The following RPH3A variants were observed in gnomAD, a reference collection of about 807,000 sequenced individuals.
RPH3A encodes rabphilin 3A.
A neutral mutation model predicts 102.2 loss-of-function variants in RPH3A; 48 were observed. The ratio of observed to expected loss-of-function variants is 0.47; its 90% CI spans 0.37 to 0.60. The LOEUF (loss-of-function observed/expected upper bound fraction) is 0.60. Ranked by LOEUF, RPH3A falls within the 20% of genes least tolerant of loss-of-function variation. The pLI is 0.00. For missense variants in RPH3A, 781 were observed against 910.1 expected, an observed-to-expected ratio of 0.86 and a Z score of 1.83; for synonymous variants, 310 against 324.3, an observed-to-expected ratio of 0.96 and a Z score of 0.47.
intron 1 of RPH3A, among the ~76,000 whole-genome samples, chr12:112,741,247 C>T (rs965858067): frequency 6.6e-6 from 1 of 152,142 alleles, no homozygotes; most frequent in African/African-American, 2.4e-5. Context: ...CCTCTCCCAC[C>T]GTAGGAATTT....
chr12:112,576,791 T>G (rs1592889434), intron 1 of RPH3A, among the ~76,000 whole-genome samples: 1 of 151,840 alleles, frequency 6.6e-6, no homozygotes, highest in Middle Eastern at 3.4e-3. Flanking sequence ...TTCACACTGG[T>G]CTTACTCTTG....
chr12:112,774,063 C>CAAAAAAAAAAAAAAAAAAAAAAAAAAAAA (rs11375355), intron 1 of RPH3A, among the ~76,000 whole-genome samples: 23 of 108,398 alleles, frequency 2.1e-4, no homozygotes, highest in Admixed American at 4.2e-4. Context: ...CCAGCCTGGG[C>CAAAAAAAAAAAAAAAAAAAAAAAAAAAAA]AAAAAAAAAA....
chr12:112,828,492 G>C (rs1468309872), intron 3 of RPH3A, 103 bp downstream of exon 3: 4 of 836,710 alleles, frequency 4.8e-6, no homozygotes, highest in Non-Finnish European at 7.6e-6. Flanking sequence ...CCCTGAGGAA[G>C]GGGGAGAGGA....
intron 1 of RPH3A, among the ~76,000 whole-genome samples, chr12:112,606,684 C>G (rs1044565596): frequency 4.6e-5 from 7 of 152,258 alleles, no homozygotes; most frequent in Admixed American, 1.3e-4. Context: ...GCGGAGGGCT[C>G]AGGAAACTTA....
At chr12:112,682,962 T>C (rs2040237562) in intron 1 of RPH3A, among the ~76,000 whole-genome samples, 1 of 152,206 alleles carries the variant, frequency 6.6e-6, no homozygotes, top group Non-Finnish European at 1.5e-5. Context: ...TCTAGGTAGG[T>C]TTAGACCCCA....
At chr12:112,575,666 C>T (rs1339826089) in intron 1 of RPH3A, among the ~76,000 whole-genome samples, 2 of 151,950 alleles carry the variant, frequency 1.3e-5, no homozygotes, top group Non-Finnish European at 2.9e-5. Context: ...CACGGGGTGT[C>T]GGATGTGCGC....
At chr12:112,793,769 C>T (rs532147249) in intron 2 of RPH3A, among the ~76,000 whole-genome samples, 2 of 151,952 alleles carry the variant, frequency 1.3e-5, no homozygotes, top group Admixed American at 6.6e-5. Context: ...TGGTACTAAT[C>T]GATCAGAATG....
intron 1 of RPH3A, among the ~76,000 whole-genome samples, chr12:112,745,775 C>T (rs2040741259): frequency 6.6e-6 from 1 of 152,178 alleles, no homozygotes; most frequent in Admixed American, 6.5e-5. Context: ...TGACTGCTCA[C>T]TCCATTCCCA....
chr12:112,811,144 C>T (rs1271415933), intron 2 of RPH3A, among the ~76,000 whole-genome samples: 1 of 152,182 alleles, frequency 6.6e-6, no homozygotes, highest in Non-Finnish European at 1.5e-5. Context: ...CCAGTATCTT[C>T]AACTGATCGA....
intron 2 of RPH3A, among the ~76,000 whole-genome samples, chr12:112,805,816 G>A (rs551882634): frequency 3.9e-5 from 6 of 152,072 alleles, no homozygotes; most frequent in East Asian, 1.9e-4. Context: ...ATAATTATTC[G>A]TCTATTCATT....
chr12:112,658,144 T>TA (rs2040025601), intron 1 of RPH3A, among the ~76,000 whole-genome samples: 1 of 152,172 alleles, frequency 6.6e-6, no homozygotes, highest in Non-Finnish European at 1.5e-5. Flanking sequence ...GATCTGATTT[T>TA]AAAATCTTAT....
At chr12:112,844,906 T>C (rs2042204634) in intron 4 of RPH3A, among the ~76,000 whole-genome samples, 1 of 152,218 alleles carries the variant, frequency 6.6e-6, no homozygotes, top group Non-Finnish European at 1.5e-5. Flanking sequence ...GAAGGCTTCA[T>C]AGGGGATCGA....
intron 1 of RPH3A, among the ~76,000 whole-genome samples, chr12:112,705,910 G>T (rs1463762234): frequency 6.6e-6 from 1 of 152,138 alleles, no homozygotes; most frequent in Non-Finnish European, 1.5e-5. Flanking sequence ...CTGTTTTCTA[G>T]TTCAATTATT....
At chr12:112,886,674 A>G (rs1251531095) in intron 16 of RPH3A, among the ~76,000 whole-genome samples, 2 of 152,166 alleles carry the variant, frequency 1.3e-5, no homozygotes, top group African/African-American at 2.4e-5. Flanking sequence ...CTGTTACTCA[A>G]TGCTGTGTAA....
At chr12:112,644,240 A>C (rs185590230) in intron 1 of RPH3A, among the ~76,000 whole-genome samples, 5 of 152,348 alleles carry the variant, frequency 3.3e-5, no homozygotes, top group Non-Finnish European at 1.5e-5. Context: ...CCCAGACTTC[A>C]TTAGGAAATA....
At chr12:112,713,081 T>G (rs1158643040) in intron 1 of RPH3A, among the ~76,000 whole-genome samples, 1 of 137,972 alleles carries the variant, frequency 7.2e-6, no homozygotes, top group Non-Finnish European at 1.5e-5. Context: ...TTCTTCTTCT[T>G]CTTCTTCTTC....
chr12:112,878,893 G>A (rs2042855619), intron 13 of RPH3A, among the ~76,000 whole-genome samples: 1 of 152,190 alleles, frequency 6.6e-6, no homozygotes, highest in African/African-American at 2.4e-5. Context: ...GGACAGAAAG[G>A]CATTACCTAG....
At chr12:112,723,361 A>G (rs972780782) in intron 1 of RPH3A, among the ~76,000 whole-genome samples, 1 of 152,242 alleles carries the variant, frequency 6.6e-6, no homozygotes, top group African/African-American at 2.4e-5. Flanking sequence ...GTAATTAAGA[A>G]AACCATAAGG....
At chr12:112,576,085 C>G (rs2039357506) in intron 1 of RPH3A, among the ~76,000 whole-genome samples, 1 of 152,184 alleles carries the variant, frequency 6.6e-6, no homozygotes, top group African/African-American at 2.4e-5. Flanking sequence ...TCACCACGCT[C>G]CCTGAACTTG....
Sources: allele counts gnomAD v4.1 joint callset (sites outside exome capture counted in the v4.1 genomes callset), GRCh38; gene constraint gnomAD v4.1.1; transcripts MANE v1.5; gene names NCBI Gene and HGNC (gene_info 2026-07-23, HGNC 2026-07-21).